SLC35F2: variants seen among roughly 807,000 people sequenced by gnomAD.
SLC35F2 encodes the protein queuine/queuosine transporter SLC35F2.
Under a neutral mutation model 38.1 loss-of-function variants are expected in SLC35F2, and 25 were observed. The observed-to-expected ratio is 0.66, with a 90% CI of 0.48 to 0.92. The LOEUF is 0.92. Ranked by LOEUF, SLC35F2 falls within the 40% of genes least tolerant of loss-of-function variation. SLC35F2 has a pLI of 0.00. For synonymous variants in SLC35F2, 173 were observed against 181.7 expected (o/e 0.95, Z 0.38); for missense variants, 409 against 452.9 (o/e 0.90, Z 0.88).
intron 2 of SLC35F2, among the ~76,000 whole-genome samples, chr11:107,814,752 C>G (rs924687420): frequency 6.6e-6 from 1 of 152,122 alleles, no homozygotes; most frequent in Non-Finnish European, 1.5e-5. Context: ...TACTTGAGTT[C>G]AGGAATTCGA....
At chr11:107,824,817 C>A (rs1176261931) in intron 1 of SLC35F2, among the ~76,000 whole-genome samples, 1 of 152,158 alleles carries the variant, frequency 6.6e-6, no homozygotes, top group African/African-American at 2.4e-5. Flanking sequence ...CTTGACCATA[C>A]CTGTCTATTC....
rs1322239388 is a variant in SLC35F2, at chr11:107,798,533, GCTTA to G, written c.939+4464_939+4467del. 3.3e-5 allele frequency among the ~76,000 whole-genome samples: 5 copies of G among 152,230 alleles called. No individual in the cohort carries two copies. The East Asian group carries it at 9.7e-4, about 29-fold the overall frequency. On this transcript the variant is annotated intron_variant, in intron 7 of 7. Transcript: ENST00000525815. Reference sequence around the variant, plus strand: ...AGATTAAGTCTCCTGAATTAGAGGCGCTTACTTCTTTGTCTTGTAAAATTCTTTG... The same window carrying G: ...AGATTAAGTCTCCTGAATTAGAGGCGCTTCTTTGTCTTGTAAAATTCTTTG...
chr11:107,806,907 C>G (rs776810861), intron 3 of SLC35F2, 31 bp from the exon 4 acceptor site: 2 of 1,598,788 alleles, frequency 1.3e-6, no homozygotes, highest in South Asian at 1.1e-5. Context: ...CAGTTTAAAA[C>G]ATATCTCTCA....
At chr11:107,845,142 G>A (rs1474847319) in intron 1 of SLC35F2, among the ~76,000 whole-genome samples, 1 of 152,068 alleles carries the variant, frequency 6.6e-6, no homozygotes, top group Non-Finnish European at 1.5e-5. Context: ...CTTCCCCCAA[G>A]TATATCCTAA....
At chr11:107,843,767 C>T (rs1486195381) in intron 1 of SLC35F2, among the ~76,000 whole-genome samples, 3 of 145,878 alleles carry the variant, frequency 2.1e-5, no homozygotes, top group African/African-American at 7.6e-5. Flanking sequence ...GCAGGAGGAT[C>T]ACTTGAGTTC....
intron 1 of SLC35F2, among the ~76,000 whole-genome samples, chr11:107,853,738 A>AAAAG (rs1476813511): frequency 2.0e-5 from 3 of 149,308 alleles, no homozygotes; most frequent in Admixed American, 6.7e-5. Flanking sequence ...AAAAAAAAAA[A>AAAAG]AAAGAAAGAA....
intron 2 of SLC35F2, among the ~76,000 whole-genome samples, chr11:107,815,163 G>C (rs1419132409): frequency 6.6e-6 from 1 of 152,078 alleles, no homozygotes; most frequent in Admixed American, 6.6e-5. Flanking sequence ...ATATTTTGGA[G>C]AGTAAGGTTC....
At chr11:107,847,798 G>A (rs1014111719) in intron 1 of SLC35F2, among the ~76,000 whole-genome samples, 1 of 152,164 alleles carries the variant, frequency 6.6e-6, no homozygotes, top group East Asian at 1.9e-4. Context: ...GTGCAAAGGC[G>A]CAGGTATGGT....
At chr11:107,816,486 T>C (rs1295403382) in intron 1 of SLC35F2, among the ~76,000 whole-genome samples, 3 of 137,076 alleles carry the variant, frequency 2.2e-5, no homozygotes, top group African/African-American at 8.7e-5. Context: ...GGGGTTTCAC[T>C]ATGTTGCTCA....
At chr11:107,830,840 A>G (rs1859828793) in intron 1 of SLC35F2, among the ~76,000 whole-genome samples, 1 of 152,166 alleles carries the variant, frequency 6.6e-6, no homozygotes, top group Admixed American at 6.5e-5. Context: ...AAATAAACTC[A>G]TTATTACTTA....
Position 107,804,910 on chromosome 11 carries a change from C to A in SLC35F2, c.732-140G>T, listed in dbSNP as rs1310707078. On this transcript the variant is annotated intron_variant, in intron 5 of 7. Transcript: ENST00000525815. The stretch of plus-strand genomic sequence containing the variant: ...TGTCTTAGAATATAAAAATAACGAT[C>A]TTTAATAAAAATGACAAAGAATAAA... 5 of 1,165,080 alleles carry A rather than the reference C, an allele frequency of 4.3e-6. No homozygotes were observed. The East Asian group carries it at 8.0e-5, about 19-fold the overall frequency. The allele number at this position is 1,165,080 out of a possible 1,614,324, so 72.2% of individuals were successfully genotyped here. A position where few individuals can be genotyped will look rare whatever the true frequency, so the allele number is the denominator to read the frequency against.
Position 107,811,952 on chromosome 11 carries a change from A to C in SLC35F2, c.287-158T>G, listed in dbSNP as rs147341079. ...GGTCTCATTCTGTTGCCCAGGTTGG[A>C]GTGCAGTGGCACAATCTCGGCTCAC... is the stretch of plus-strand genomic sequence containing the variant. On this transcript the variant is annotated intron_variant, in intron 2 of 7. Transcript: ENST00000525815. 3.3e-3 allele frequency among the ~76,000 whole-genome samples: 501 copies of C among 151,590 alleles called. 1 individual carries two copies. Among genetic ancestry groups the C allele is most frequent in the Non-Finnish European group, 5.7e-3 (385 of 67,892 alleles).
chr11:107,835,955 A>T (rs1859923346), intron 1 of SLC35F2, among the ~76,000 whole-genome samples: 1 of 152,188 alleles, frequency 6.6e-6, no homozygotes, highest in Admixed American at 6.6e-5. Context: ...CTTGACTTGA[A>T]GAATAAAGAC....
rs190040856 is a variant in SLC35F2 at position 107,822,457 on chromosome 11, C to T, written c.111-6492G>A. On this transcript the variant is annotated intron_variant, in intron 1 of 7. Coordinates refer to ENST00000525815, the MANE Select transcript of SLC35F2 (RefSeq NM_017515.5). ...AAGTTCAATGGTTGTTAATATGTGC[C>T]AAGCACAAGGAATTTAGAATTAAGA... Among the ~76,000 whole-genome samples the T allele has an allele frequency of 3.9e-5, 6 of 152,190 alleles. No homozygotes were observed. The East Asian group carries it at 1.2e-3, about 29-fold the overall frequency.
rs1287767044 is a variant in SLC35F2 at position 107,791,183 on chromosome 11, G to T, written c.*1432C>A. On this transcript the variant is annotated 3_prime_UTR_variant, in exon 8 of 8. Transcript: ENST00000525815. The stretch of plus-strand genomic sequence containing the variant: ...AAATCACAGGGCATTACAGATTTTT[G>T]ATAAGAAGTAGTAATAGCATTGTCT... 3 of 152,562 alleles carry T rather than the reference G, an allele frequency of 2.0e-5. No individual in the cohort carries two copies. The highest frequency in any genetic ancestry group is 2.9e-5 in the Non-Finnish European group (2 of 68,040). The allele number at this position is 152,562 out of a possible 1,614,324, so 9.5% of individuals were successfully genotyped here.
Position 107,815,804 on chromosome 11 carries a change from A to C in SLC35F2, c.272T>G (p.Leu91Arg). 6.2e-7 allele frequency: 1 copy of C among 1,609,682 alleles called. No individual in the cohort carries two copies. Among genetic ancestry groups the C allele is most frequent in the Non-Finnish European group, 8.5e-7 (1 of 1,178,342 alleles). ...CLLFLIYTVM[L>R]AFRSGSDNLL... ...ATTTGACATACCTGATCGAAATGCC[A>C]GCATCACTGTATAAATTAGGAACAG... Residue 91 changes from leucine to arginine, a missense_variant, in exon 2 of 8, where the codon CTG becomes CGG. Leu to Arg is a moderately radical substitution (Grantham distance 102). Transcript: ENST00000525815.
chr11:107,802,418 A>G (rs1859323781), intron 7 of SLC35F2, among the ~76,000 whole-genome samples: 1 of 152,182 alleles, frequency 6.6e-6, no homozygotes, highest in Non-Finnish European at 1.5e-5. Context: ...GAATTAGTAC[A>G]GGTAATAGGA....
In SLC35F2 at chr11:107,807,630, T is replaced by C. The variant is rs1591188826; in HGVS notation, c.415-754A>G. On this transcript the variant is annotated intron_variant, in intron 3 of 7. Coordinates refer to ENST00000525815, the MANE Select transcript of SLC35F2 (RefSeq NM_017515.5). ...CTCTGTTGCCCAAGCTGGAGCGCAG[T>C]GGTGCAATCTCGGCTCACTGCAACC... 2.6e-5 allele frequency among the ~76,000 whole-genome samples: 4 copies of C among 151,896 alleles called. No individual in the cohort carries two copies. The East Asian group carries it at 7.8e-4, about 30-fold the overall frequency.
intron 1 of SLC35F2, among the ~76,000 whole-genome samples, chr11:107,855,526 C>A (rs1455635582): frequency 6.6e-6 from 1 of 151,920 alleles, no homozygotes; most frequent in East Asian, 1.9e-4. Flanking sequence ...GTGGTGCATG[C>A]CTGTAATCCC....
Sources: allele counts gnomAD v4.1 joint callset (sites outside exome capture counted in the v4.1 genomes callset), GRCh38; gene constraint gnomAD v4.1.1; transcripts MANE v1.5; gene names NCBI Gene and HGNC (gene_info 2026-07-23, HGNC 2026-07-21).